IMPG1: variants seen among roughly 807,000 people sequenced by gnomAD.
The protein encoded by IMPG1 is interphotoreceptor matrix proteoglycan of 150 kDa.
Under a neutral mutation model 92.0 loss-of-function variants are expected in IMPG1, and 85 were observed. The ratio of observed to expected loss-of-function variants is 0.92; its 90% CI spans 0.78 to 1.11. The LOEUF is 1.11. Ranked by LOEUF, IMPG1 falls within the 50% of genes least tolerant of loss-of-function variation. IMPG1 has a pLI of 0.00. For synonymous variants in IMPG1, 367 were observed against 334.1 expected, an observed-to-expected ratio of 1.10 and a Z score of -1.08; for missense variants, 1,022 against 956.0, an observed-to-expected ratio of 1.07 and a Z score of -0.91.
intron 15 of IMPG1, 61 bp downstream of exon 15, chr6:75,930,892 G>T: frequency 1.4e-6 from 2 of 1,397,302 alleles, no homozygotes; most frequent in South Asian, 1.2e-5. Context: ...TCTAATGATG[G>T]GTTTCTCAGA....
At chr6:76,002,826 G>A in intron 12 of IMPG1, 92 bp downstream of exon 12, 1 of 973,078 alleles carries the variant, frequency 1.0e-6, no homozygotes, top group Non-Finnish European at 1.6e-6. Flanking sequence ...GGTTCGGGAT[G>A]GCTTTGTCAC....
chr6:75,992,844 T>C (rs913136619), intron 12 of IMPG1, among the ~76,000 whole-genome samples: 1 of 152,206 alleles, frequency 6.6e-6, no homozygotes, highest in African/African-American at 2.4e-5. Flanking sequence ...GAAAGTCCTT[T>C]ATACCCTTCT....
At chr6:76,056,900 C>T (rs1465658707) in intron 1 of IMPG1, among the ~76,000 whole-genome samples, 1 of 152,074 alleles carries the variant, frequency 6.6e-6, no homozygotes, top group African/African-American at 2.4e-5. Flanking sequence ...ATGTAAATGC[C>T]TATCAATGAT....
At chr6:76,030,688 C>A (rs1783638687) in intron 4 of IMPG1, among the ~76,000 whole-genome samples, 1 of 152,130 alleles carries the variant, frequency 6.6e-6, no homozygotes, top group Non-Finnish European at 1.5e-5. Context: ...GACAATGGCC[C>A]CTTCTGCTGG....
chr6:76,025,820 C>T (rs1168623232), intron 4 of IMPG1, among the ~76,000 whole-genome samples: 1 of 152,096 alleles, frequency 6.6e-6, no homozygotes, highest in Non-Finnish European at 1.5e-5. Context: ...GGTAGGTTCT[C>T]AGTGCCATGG....
In IMPG1 at chr6:75,924,186, T is replaced by C. The variant is rs1036267901; in HGVS notation, c.2244-480A>G. On this transcript the variant is annotated intron_variant, in intron 15 of 16. Coordinates refer to ENST00000369950, the MANE Select transcript of IMPG1 (RefSeq NM_001563.4). ...GTCATTATGGAAAACCATCTGTAGG[T>C]TCCTAAAGAAATTAAAAATAGGACT... 3.3e-5 allele frequency among the ~76,000 whole-genome samples: 5 copies of C among 151,292 alleles called. No individual in the cohort carries two copies. The East Asian group carries it at 5.8e-4, about 18-fold the overall frequency.
intron 12 of IMPG1, among the ~76,000 whole-genome samples, chr6:75,974,393 T>TGCTTGC (rs1562354842): frequency 1.5e-5 from 1 of 65,008 alleles, no homozygotes; most frequent in African/African-American, 5.9e-5. Flanking sequence ...CTTTCTTTCT[T>TGCTTGC]TTCTTTCTTT....
At chr6:75,923,003 G>C (rs1357795089) in intron 16 of IMPG1, among the ~76,000 whole-genome samples, 1 of 151,924 alleles carries the variant, frequency 6.6e-6, no homozygotes, top group Non-Finnish European at 1.5e-5. Context: ...AAAATGGGTA[G>C]TTTTAGGCTA....
intron 12 of IMPG1, among the ~76,000 whole-genome samples, chr6:75,966,655 G>C (rs903225351): frequency 6.6e-6 from 1 of 152,128 alleles, no homozygotes; most frequent in Non-Finnish European, 1.5e-5. Context: ...AAAACAATTT[G>C]ACTGAAGACA....
At chr6:76,000,553 C>T (rs1432477703) in intron 12 of IMPG1, among the ~76,000 whole-genome samples, 1 of 152,060 alleles carries the variant, frequency 6.6e-6, no homozygotes, top group Non-Finnish European at 1.5e-5. Context: ...TGATAAGCCA[C>T]ACTGCAGGAT....
In IMPG1 at chr6:75,950,968, G is replaced by A. The variant is rs894542613; in HGVS notation, c.1418C>T (p.Thr473Ile). 11 of 1,613,962 alleles carry A rather than the reference G, an allele frequency of 6.8e-6. No individual in the cohort carries two copies. The highest frequency in any genetic ancestry group is 1.7e-5 in the Admixed American group (1 of 59,976). The change falls in exon 13 of 17, where the codon ACA becomes ATA. Residue 473 changes from threonine to isoleucine, a missense_variant. Around this residue, in one of 3 missense-constraint regions of IMPG1, gnomAD observed 681 missense variants for 583.6 expected, o/e 1.17. Coordinates refer to ENST00000369950, the MANE Select transcript of IMPG1 (RefSeq NM_001563.4). ...GTTDTMATDQ[T>I]MLVPGLTIPT... is the part of the protein sequence containing the mutation. ...GATGGTGAGCCCTGGTACTAGCATT[G>A]TCTGGTCAGTGGCCATTGTATCTGT...
At chr6:75,990,170 AGAT>A (rs1420427953) in intron 12 of IMPG1, among the ~76,000 whole-genome samples, 3 of 152,362 alleles carry the variant, frequency 2.0e-5, no homozygotes, top group Middle Eastern at 6.8e-3. Context: ...TGCTGACTTT[AGAT>A]GATATTTAGT....
At chr6:75,943,004 T>C (rs1326778458) in intron 14 of IMPG1, among the ~76,000 whole-genome samples, 3 of 152,182 alleles carry the variant, frequency 2.0e-5, no homozygotes, top group Non-Finnish European at 4.4e-5. Context: ...TTCATAGAAT[T>C]AAGAAGTTAA....
At chr6:76,048,965 T>C (rs1337199871) in intron 1 of IMPG1, among the ~76,000 whole-genome samples, 1 of 152,196 alleles carries the variant, frequency 6.6e-6, no homozygotes, top group Non-Finnish European at 1.5e-5. Context: ...CCATCAGTGA[T>C]AGACTGGATA....
At chr6:76,003,166 A>T (rs867940475) in intron 11 of IMPG1, among the ~76,000 whole-genome samples, 170 bp from the exon 12 acceptor site, 4 of 152,244 alleles carry the variant, frequency 2.6e-5, no homozygotes, top group Non-Finnish European at 4.4e-5. Flanking sequence ...TTCTAAAAGG[A>T]TAACATCCAT....
chr6:75,996,980 C>G (rs1782912217), intron 12 of IMPG1, among the ~76,000 whole-genome samples: 2 of 152,088 alleles, frequency 1.3e-5, no homozygotes, highest in Non-Finnish European at 2.9e-5. Context: ...TTGGGAATTG[C>G]CAAAATTTGA....
At chr6:75,959,331 A>G (rs1782177508) in intron 12 of IMPG1, among the ~76,000 whole-genome samples, 1 of 152,114 alleles carries the variant, frequency 6.6e-6, no homozygotes, top group South Asian at 2.1e-4. Flanking sequence ...TCTCCCAGTC[A>G]GGAGACACAG....
chr6:75,963,822 T>C (rs1456293313), intron 12 of IMPG1, among the ~76,000 whole-genome samples: 2 of 152,200 alleles, frequency 1.3e-5, no homozygotes, highest in African/African-American at 2.4e-5. Context: ...AGAGTTTTAC[T>C]TATTTGTTTC....
chr6:75,973,145 T>A (rs1562353751), intron 12 of IMPG1, among the ~76,000 whole-genome samples: 1 of 151,556 alleles, frequency 6.6e-6, no homozygotes, highest in Non-Finnish European at 1.5e-5. Context: ...GCCTGGCTAA[T>A]TTTAAAATTA....
Sources: gnomAD v4.1 joint callset for allele counts (sites outside exome capture counted in the v4.1 genomes callset) on GRCh38, gnomAD v4.1.1 for gene constraint, gnomAD v4.1.1 regional missense constraint, MANE v1.5 for transcripts, NCBI Gene and HGNC (gene_info 2026-07-23, HGNC 2026-07-21) for gene names.